Variants in SHPK observed in about 807,000 individuals in gnomAD.
The protein encoded by SHPK is carbohydrate kinase-like protein.
SHPK carries 51 observed loss-of-function variants against 46.3 expected under a neutral mutation model. The observed-to-expected ratio is 1.10, with a 90% CI of 0.88 to 1.39. The LOEUF (loss-of-function observed/expected upper bound fraction) is 1.39, where lower values mean the gene tolerates loss of function less well. SHPK is among the 40% of genes most tolerant of loss of function. The pLI is 0.00. For missense variants in SHPK, 668 were observed against 641.3 expected (o/e 1.04, Z -0.45); for synonymous variants, 290 against 273.9 (o/e 1.06, Z -0.58).
At chr17:3,628,209 T>C (rs1192114576) in intron 2 of SHPK, among the ~76,000 whole-genome samples, 1 of 152,208 alleles carries the variant, frequency 6.6e-6, no homozygotes, top group African/African-American at 2.4e-5. Flanking sequence ...CATCTTCTGC[T>C]TAAAATGTTG....
At chr17:3,616,972 C>T (rs191749139) in intron 5 of SHPK, among the ~76,000 whole-genome samples, 2 of 151,650 alleles carry the variant, frequency 1.3e-5, no homozygotes, top group African/African-American at 2.4e-5. Context: ...CTCCTGACCT[C>T]GTGATCCACC....
rs149206217 is a variant in SHPK, at chr17:3,625,995, G to A, written c.311-1764C>T. ...TTGAACCCAGTAGGCGGAGGTTGCA[G>A]TGAGCTGAGATCGCACCACTGCACT... On this transcript the variant is annotated intron_variant, in intron 2 of 6. Transcript: ENST00000225519. Among the ~76,000 whole-genome samples the A allele has an allele frequency of 1.7e-3, 259 of 152,310 alleles. No individual in the cohort carries two copies. The Middle Eastern group carries it at 0.027, about 16-fold the overall frequency.
intron 5 of SHPK, chr17:3,619,500 CA>C: frequency 1.4e-6 from 1 of 733,008 alleles, no homozygotes; most frequent in Non-Finnish European, 2.3e-6. Context: ...TTTGGGAGGC[CA>C]AGGCAGGCAG....
chr17:3,613,023 T>G (rs2075349902), intron 6 of SHPK, among the ~76,000 whole-genome samples: 1 of 152,140 alleles, frequency 6.6e-6, no homozygotes, highest in African/African-American at 2.4e-5. Flanking sequence ...GTGCTGGGAT[T>G]ACAGGTGTGA....
At chr17:3,611,097 G>T (rs2075337104) in intron 6 of SHPK, 125 bp from the exon 7 acceptor site, 2 of 919,110 alleles carry the variant, frequency 2.2e-6, no homozygotes, top group Non-Finnish European at 3.2e-6. Context: ...TGCAGCTGGT[G>T]GTTCTGGGCT....
At chr17:3,632,647 T>C (rs1315156250) in intron 1 of SHPK, among the ~76,000 whole-genome samples, 5 of 152,078 alleles carry the variant, frequency 3.3e-5, no homozygotes, top group East Asian at 3.9e-4. Flanking sequence ...GGAATAGACA[T>C]TGCCCCCACT....
intron 2 of SHPK, among the ~76,000 whole-genome samples, chr17:3,627,675 A>G (rs1156656159): frequency 6.6e-6 from 1 of 151,798 alleles, no homozygotes; most frequent in African/African-American, 2.4e-5. Context: ...TCAATAAAAT[A>G]TTAAGCAGCT....
rs748938167 is a variant in SHPK at position 3,636,128 on chromosome 17, C to G, written c.92G>C (p.Gly31Ala). 2.0e-5 allele frequency: 33 copies of G among 1,611,138 alleles called. No homozygotes were observed. The highest frequency in any genetic ancestry group is 2.7e-5 in the Non-Finnish European group (32 of 1,178,742). Residue 31 changes from glycine to alanine, a missense_variant, in exon 1 of 7, where the codon GGG becomes GCG. By Grantham distance (60) the Gly-to-Ala change is moderately conservative. Coordinates refer to ENST00000225519, the MANE Select transcript of SHPK (RefSeq NM_013276.4). ...GGCACAGCTCGCCAGCACTGCGAACCCGGATGGGTCGTCGGGCGCGGCCCT... is the reference window on the plus strand; with the variant it reads ...GGCACAGCTCGCCAGCACTGCGAACGCGGATGGGTCGTCGGGCGCGGCCCT... ...LLRAAPDDPSGFAVLASCARA... is the reference protein window; with the variant it reads ...LLRAAPDDPSAFAVLASCARA...
At chr17:3,619,752 G>T in intron 5 of SHPK, 3 of 387,764 alleles carry the variant, frequency 7.7e-6, no homozygotes, top group Non-Finnish European at 1.5e-5. Flanking sequence ...AAAAAAATTT[G>T]GAAGAAGAAT....
rs2075317275 is a variant in SHPK, at chr17:3,608,792, A to AC, written c.*1767dup. On this transcript the variant is annotated 3_prime_UTR_variant, in exon 7 of 7. Coordinates refer to ENST00000225519, the MANE Select transcript of SHPK (RefSeq NM_013276.4). Reference sequence around the variant, plus strand: ...ATGATCTACGAATTCTCCCCAGAGCACTTCAACCTCCCAAACCAAGCTCTG... The same window carrying AC: ...ATGATCTACGAATTCTCCCCAGAGCACCTTCAACCTCCCAAACCAAGCTCTG... 1 of 152,198 alleles carries AC rather than the reference A, an allele frequency of 6.6e-6. No homozygotes were observed. Among genetic ancestry groups the AC allele is most frequent in the African/African-American group, 2.4e-5 (1 of 41,450 alleles). 9.4% of individuals were successfully genotyped at this position (152,198 alleles called of 1,614,324 possible). A position where few individuals can be genotyped will look rare whatever the true frequency, so the allele number is the denominator to read the frequency against.
At chr17:3,619,332 G>T in intron 5 of SHPK, 2 of 1,204,758 alleles carry the variant, frequency 1.7e-6, no homozygotes, top group Non-Finnish European at 2.5e-6. Context: ...GTTACGTGAG[G>T]TGAGAGTTAT....
Position 3,615,352 on chromosome 17 carries a change from A to G in SHPK, c.1009T>C (p.Trp337Arg). Reference sequence around the variant, plus strand: ...CACACCTTACCTAGATCTGCCATCCACTGAACCAGCATGTGGACGAACGTG... The same window carrying G: ...CACACCTTACCTAGATCTGCCATCCGCTGAACCAGCATGTGGACGAACGTG... Reference protein sequence around the residue: ...LATFVHMLVQWMADLGLEVEE... With the variant: ...LATFVHMLVQRMADLGLEVEE... Residue 337 changes from tryptophan to arginine, a missense_variant, in exon 6 of 7, where the codon TGG (tryptophan) becomes CGG (arginine). Coordinates refer to ENST00000225519, the MANE Select transcript of SHPK (RefSeq NM_013276.4). The G allele has an allele frequency of 1.2e-6, 2 of 1,614,182 alleles. No individual in the cohort carries two copies. The highest frequency in any genetic ancestry group is 1.1e-5 in the South Asian group (1 of 91,086).
chr17:3,613,218 C>T (rs1286203277), intron 6 of SHPK, among the ~76,000 whole-genome samples: 3 of 152,196 alleles, frequency 2.0e-5, no homozygotes, highest in Non-Finnish European at 4.4e-5. Flanking sequence ...CTCAGAATCA[C>T]CTGAGGAACT....
chr17:3,627,802 G>A (rs1487664318), intron 2 of SHPK, among the ~76,000 whole-genome samples: 2 of 151,542 alleles, frequency 1.3e-5, no homozygotes, highest in Admixed American at 6.6e-5. Context: ...TCTTTGGGAA[G>A]GGTTTTAGTA....
In SHPK at chr17:3,636,216, C is replaced by A. The variant is rs1445230789; in HGVS notation, c.4G>T (p.Ala2Ser). M[A>S]ARPITLGIDL... ...ATGCCGAGGGTGATCGGCCGCGCAG[C>A]CATTATCTCCCTGACCCGCGCAGCT... Residue 2 changes from alanine to serine, a missense_variant, in exon 1 of 7, where the codon GCT becomes TCT. Physicochemically the swap from Ala to Ser is moderately conservative, Grantham distance 99. Coordinates refer to ENST00000225519, the MANE Select transcript of SHPK (RefSeq NM_013276.4). 3 of 1,601,590 alleles carry A rather than the reference C, an allele frequency of 1.9e-6. No homozygotes were observed. Among genetic ancestry groups the A allele is most frequent in the Non-Finnish European group, 2.6e-6 (3 of 1,171,726 alleles).
chr17:3,631,993 T>C (rs1309256172), intron 1 of SHPK, among the ~76,000 whole-genome samples: 1 of 151,794 alleles, frequency 6.6e-6, no homozygotes, highest in African/African-American at 2.4e-5. Flanking sequence ...GGAATCTCAC[T>C]GTCACCAGGT....
chr17:3,627,912 C>G (rs2075447177), intron 2 of SHPK, among the ~76,000 whole-genome samples: 1 of 152,150 alleles, frequency 6.6e-6, no homozygotes, highest in South Asian at 2.1e-4. Context: ...ACCCTAATCG[C>G]CTTCTGCTCC....
chr17:3,631,514 T>C, intron 1 of SHPK, among the ~76,000 whole-genome samples: 1 of 106,408 alleles, frequency 9.4e-6, no homozygotes, highest in Non-Finnish European at 1.9e-5. Context: ...ATTTAATGCT[T>C]TTTTTTTTTT....
At chr17:3,619,035 CT>C (rs57225767) in intron 5 of SHPK, among the ~76,000 whole-genome samples, 10 of 149,120 alleles carry the variant, frequency 6.7e-5, no homozygotes, top group African/African-American at 9.8e-5. Context: ...CATGTTCTCA[CT>C]TTTTTTTTTT....
Sources: gnomAD v4.1 joint callset for allele counts (sites outside exome capture counted in the v4.1 genomes callset) on GRCh38, gnomAD v4.1.1 for gene constraint, MANE v1.5 for transcripts, NCBI Gene and HGNC (gene_info 2026-07-23, HGNC 2026-07-21) for gene names.